The following SLC25A53 variants were observed in gnomAD, a reference collection of about 807,000 sequenced individuals.
SLC25A53 encodes solute carrier family 25 member 53.
SLC25A53 carries 5 observed loss-of-function variants against 15.0 expected under a neutral mutation model. That is an observed-to-expected ratio of 0.33 (90% CI 0.17 to 0.70). The LOEUF is 0.70. Among genes scored for constraint, SLC25A53 ranks in the 30% least tolerant of loss-of-function variants. The pLI, the probability that SLC25A53 is intolerant of heterozygous loss-of-function variation, is 0.67. For missense variants in SLC25A53, 216 were observed against 241.6 expected, an observed-to-expected ratio of 0.89 and a Z score of 0.70; for synonymous variants, 95 against 100.0, an observed-to-expected ratio of 0.95 and a Z score of 0.30.
chrX:104,107,872 T>C (rs1419647914), intron 1 of SLC25A53, among the ~76,000 whole-genome samples: 1 of 111,583 alleles, frequency 9.0e-6, no homozygotes, highest in Non-Finnish European at 1.9e-5. Context: ...TTCAGTGACA[T>C]CTTGGAGCCT....
chrX:104,116,763 G>A (rs1483289367), intron 1 of SLC25A53, among the ~76,000 whole-genome samples: 3 of 110,981 alleles, frequency 2.7e-5, no homozygotes, highest in Non-Finnish European at 5.7e-5. Flanking sequence ...GGGGCTGCCA[G>A]GCCCAGAATC....
intron 1 of SLC25A53, among the ~76,000 whole-genome samples, chrX:104,134,943 G>C (rs1252911109): frequency 1.8e-5 from 2 of 110,733 alleles, no homozygotes; most frequent in African/African-American, 6.6e-5. Context: ...ATAAGAGCCC[G>C]AATGGACTTT....
intron 1 of SLC25A53, among the ~76,000 whole-genome samples, chrX:104,118,983 C>T (rs1556362123): frequency 1.8e-5 from 2 of 112,174 alleles, no homozygotes; most frequent in African/African-American, 6.5e-5. Context: ...CCTCCCCCTT[C>T]AGAGTTGCAT....
chrX:104,123,662 A>G (rs1343417325), intron 1 of SLC25A53, among the ~76,000 whole-genome samples: 1 of 110,326 alleles, frequency 9.1e-6, no homozygotes, highest in East Asian at 2.8e-4. Context: ...TGCTGCATCC[A>G]TCGACCTGTC....
chrX:104,118,585 C>T (rs1556361999), intron 1 of SLC25A53, among the ~76,000 whole-genome samples: 1 of 112,939 alleles, frequency 8.9e-6, no homozygotes, highest in African/African-American at 3.2e-5. Flanking sequence ...CTATTTCTAA[C>T]TTGCTATTAA....
Position 104,100,227 on chromosome X carries a change from AG to A in SLC25A53, c.*4106del, listed in dbSNP as rs2075274621. On this transcript the variant is annotated 3_prime_UTR_variant, in exon 2 of 2. Transcript: ENST00000594199. ...CATAAAACGTTATTATTTCAACTTGAGCTTTATAAAAGCTGATGTAGTTTAT... is the reference window on the plus strand; with the variant it reads ...CATAAAACGTTATTATTTCAACTTGACTTTATAAAAGCTGATGTAGTTTAT... The A allele has an allele frequency of 8.9e-6, 1 of 111,955 alleles. No individual in the cohort carries two copies. The highest frequency in any genetic ancestry group is 1.9e-5 in the Non-Finnish European group (1 of 53,154). The allele number at this position is 111,955 out of a possible 1,213,427, so 9.2% of individuals were successfully genotyped here. A position where few individuals can be genotyped will look rare whatever the true frequency, so the allele number is the denominator to read the frequency against.
chrX:104,147,190 C>G, intron 1 of SLC25A53, among the ~76,000 whole-genome samples: 2 of 111,611 alleles, frequency 1.8e-5, no homozygotes. Context: ...CTGAGAAAAA[C>G]AAGCAATGGG....
chrX:104,116,373 AGACCTGAG>A (rs1389541134), intron 1 of SLC25A53, among the ~76,000 whole-genome samples: 1 of 111,419 alleles, frequency 9.0e-6, no homozygotes, highest in Non-Finnish European at 1.9e-5. Context: ...AAATGAATGC[AGACCTGAG>A]GACCTGAGGG....
At chrX:104,115,218 C>T (rs1480835470) in intron 1 of SLC25A53, 18 of 1,205,576 alleles carry the variant, frequency 1.5e-5, no homozygotes, top group Non-Finnish European at 1.9e-5. Context: ...GCAACAAGGC[C>T]CAGGTTTTTG....
intron 1 of SLC25A53, among the ~76,000 whole-genome samples, chrX:104,132,099 G>C (rs1032209531): frequency 8.9e-6 from 1 of 112,398 alleles, no homozygotes; most frequent in Non-Finnish European, 1.9e-5. Context: ...CTAGGTCTCT[G>C]GCAGAGGACT....
chrX:104,107,043 TC>T (rs1286341136), intron 1 of SLC25A53, among the ~76,000 whole-genome samples: 1 of 95,672 alleles, frequency 1.0e-5, no homozygotes, highest in Non-Finnish European at 2.1e-5. Context: ...TCTCATTCTA[TC>T]CCCCCTGCTC....
intron 1 of SLC25A53, among the ~76,000 whole-genome samples, chrX:104,153,598 A>G (rs1454032432): frequency 8.9e-6 from 1 of 111,738 alleles, no homozygotes; most frequent in Non-Finnish European, 1.9e-5. Flanking sequence ...TTATTACCAG[A>G]AATTAGGAAC....
At chrX:104,134,065 A>G (rs921324724) in intron 1 of SLC25A53, among the ~76,000 whole-genome samples, 1 of 112,111 alleles carries the variant, frequency 8.9e-6, no homozygotes, top group South Asian at 3.7e-4. Context: ...TGAGCACTGA[A>G]TGGCTAGACA....
intron 1 of SLC25A53, among the ~76,000 whole-genome samples, chrX:104,155,918 G>A (rs995045879): frequency 2.7e-5 from 3 of 109,322 alleles, no homozygotes; most frequent in Non-Finnish European, 5.7e-5. Flanking sequence ...CGGGAGTGGT[G>A]GTGGGTGCCT....
intron 1 of SLC25A53, among the ~76,000 whole-genome samples, chrX:104,119,285 G>C (rs1454379838): frequency 6.2e-5 from 7 of 112,098 alleles, no homozygotes; most frequent in Non-Finnish European, 1.3e-4. Context: ...TGAATAAAAA[G>C]AATCAAATGT....
chrX:104,104,729 C>G lies in SLC25A53; in HGVS notation c.529G>C (p.Gly177Arg). The G allele has an allele frequency of 8.3e-7, 1 of 1,211,585 alleles. No individual in the cohort carries two copies. The change falls in exon 2 of 2, where the codon GGT (glycine) becomes CGT (arginine). Residue 177 changes from glycine to arginine, a missense_variant. By Grantham distance (125) the Gly-to-Arg change is moderately radical (BLOSUM62 -2). Transcript: ENST00000594199. ...WGRLSLGYYR[G>R]FWPVLARNSL... ...TTCCTGGCCAGGACAGGCCAGAAAC[C>G]ACGATAGTAGCCCAGTGACAGCCGC... is the stretch of plus-strand genomic sequence containing the variant.
intron 1 of SLC25A53, among the ~76,000 whole-genome samples, chrX:104,129,180 T>C (rs1466775131): frequency 1.8e-5 from 2 of 111,711 alleles, no homozygotes; most frequent in Non-Finnish European, 3.8e-5. Flanking sequence ...TCCACAAATT[T>C]TGCTGCTTTT....
intron 1 of SLC25A53, among the ~76,000 whole-genome samples, chrX:104,107,825 G>A (rs1414186255): frequency 9.0e-6 from 1 of 111,721 alleles, no homozygotes; most frequent in African/African-American, 3.3e-5. Flanking sequence ...CATTCTAAGT[G>A]AGTTTTATTA....
chrX:104,107,791 AG>A (rs1294610625), intron 1 of SLC25A53, among the ~76,000 whole-genome samples: 1 of 112,063 alleles, frequency 8.9e-6, no homozygotes, highest in Non-Finnish European at 1.9e-5. Flanking sequence ...GCCAGGAAGC[AG>A]GTGGGGTAGT....
Sources: gnomAD v4.1 joint callset for allele counts (sites outside exome capture counted in the v4.1 genomes callset) on GRCh38, gnomAD v4.1.1 for gene constraint, MANE v1.5 for transcripts, NCBI Gene and HGNC (gene_info 2026-07-23, HGNC 2026-07-21) for gene names.